The following FBXL17 variants were observed in gnomAD, a reference collection of about 807,000 sequenced individuals.
FBXL17 encodes the protein F-box/LRR-repeat protein 17.
In FBXL17, 22 loss-of-function variants were observed where a neutral mutation model predicts 66.2. That is an observed-to-expected ratio of 0.33 (90% confidence interval 0.24 to 0.47). The LOEUF is 0.47. Among genes scored for constraint, FBXL17 ranks in the 20% least tolerant of loss-of-function variants. FBXL17 has a pLI of 1.00. For synonymous variants in FBXL17, 474 were observed against 400.5 expected (o/e 1.18, Z -2.19); for missense variants, 878 against 948.2 (o/e 0.93, Z 0.97).
At chr5:108,124,844 GAAGTGC>G (rs1424978880) in intron 6 of FBXL17, among the ~76,000 whole-genome samples, 1 of 151,992 alleles carries the variant, frequency 6.6e-6, no homozygotes, top group African/African-American at 2.4e-5. Flanking sequence ...AAAAAGCAAA[GAAGTGC>G]AAACAATATT....
intron 6 of FBXL17, among the ~76,000 whole-genome samples, chr5:108,062,931 AAG>A (rs1211955124): frequency 6.6e-6 from 1 of 152,162 alleles, no homozygotes; most frequent in Non-Finnish European, 1.5e-5. Context: ...GCAAAGTGAA[AAG>A]AGAGAACAAA....
rs547155844 is a variant in FBXL17, at chr5:107,945,233, T to C, written c.1823-64054A>G. Among the ~76,000 whole-genome samples, 35 of 152,286 alleles carry C rather than the reference T, an allele frequency of 2.3e-4. 1 individual carries two copies. In the South Asian group the frequency reaches 7.0e-3, roughly 31 times the overall value. Reference sequence around the variant, plus strand: ...GAGATTCAGTTTCACAGCAATCGGATTGGCAAACATTAAAAAGTCTGGCAA... The same window carrying C: ...GAGATTCAGTTTCACAGCAATCGGACTGGCAAACATTAAAAAGTCTGGCAA... On this transcript the variant is annotated intron_variant, in intron 7 of 8. Transcript: ENST00000542267.
At chr5:108,091,826 G>C (rs1450902630) in intron 6 of FBXL17, among the ~76,000 whole-genome samples, 2 of 152,084 alleles carry the variant, frequency 1.3e-5, no homozygotes. Context: ...CTGAAACTGA[G>C]GTACACGTAA....
intron 7 of FBXL17, among the ~76,000 whole-genome samples, chr5:107,984,529 T>C (rs10793832): frequency 0.23 from 34,383 of 152,108 alleles, 4,300 homozygotes; most frequent in Middle Eastern, 0.29. Context: ...TCCTGGTACC[T>C]ACTTGCTATA....
chr5:108,367,752 A>G (rs1247396121), intron 2 of FBXL17, 79 bp downstream of exon 2: 1 of 1,186,480 alleles, frequency 8.4e-7, no homozygotes, highest in East Asian at 2.8e-5. Flanking sequence ...AAACAAGAAG[A>G]CAGTAAAGAT....
intron 6 of FBXL17, among the ~76,000 whole-genome samples, chr5:108,185,882 T>G (rs183365400): frequency 8.5e-5 from 13 of 152,304 alleles, no homozygotes; most frequent in Admixed American, 6.5e-4. Flanking sequence ...CAGCCTACTA[T>G]TGTTACAATT....
chr5:107,921,257 A>G (rs951387778), intron 7 of FBXL17, among the ~76,000 whole-genome samples: 1 of 152,226 alleles, frequency 6.6e-6, no homozygotes, highest in African/African-American at 2.4e-5. Flanking sequence ...CTCAATGACT[A>G]TAATGTAGTC....
chr5:108,008,991 A>C (rs1754042091), intron 7 of FBXL17, among the ~76,000 whole-genome samples: 1 of 151,592 alleles, frequency 6.6e-6, no homozygotes. Flanking sequence ...AAGAGATAGT[A>C]AGTAGGAAGA....
In FBXL17 at chr5:107,961,964, G is replaced by A. The variant is rs538959146; in HGVS notation, c.1822+58961C>T. On this transcript the variant is annotated intron_variant, in intron 7 of 8. Coordinates refer to ENST00000542267, the MANE Select transcript of FBXL17 (RefSeq NM_001163315.3). ...TTACATTTACAATAAGAAACTAATT[G>A]TAAATGTGACTCATCAGACAGTGAA... 3.2e-4 allele frequency among the ~76,000 whole-genome samples: 48 copies of A among 152,224 alleles called. 1 individual carries two copies. In the South Asian group the frequency reaches 9.5e-3, roughly 30 times the overall value.
At chr5:108,056,613 A>G (rs1474176671) in intron 6 of FBXL17, among the ~76,000 whole-genome samples, 3 of 152,210 alleles carry the variant, frequency 2.0e-5, no homozygotes, top group Non-Finnish European at 4.4e-5. Context: ...AGATGTAGGC[A>G]GCCACAGTGT....
intron 7 of FBXL17, among the ~76,000 whole-genome samples, chr5:107,906,092 T>G (rs1354466236): frequency 6.6e-6 from 1 of 151,864 alleles, no homozygotes; most frequent in East Asian, 1.9e-4. Context: ...TTAGCAAATC[T>G]GGTTAAATTC....
At chr5:108,325,106 T>C (rs549669558) in intron 4 of FBXL17, among the ~76,000 whole-genome samples, 2 of 152,142 alleles carry the variant, frequency 1.3e-5, no homozygotes, top group South Asian at 2.1e-4. Context: ...AACGAGAGTT[T>C]TGGAGACTGG....
intron 6 of FBXL17, among the ~76,000 whole-genome samples, chr5:108,162,413 T>C (rs1337701656): frequency 6.6e-6 from 1 of 152,134 alleles, no homozygotes; most frequent in Admixed American, 6.6e-5. Context: ...GGAGGATTGC[T>C]TGAGCCCACA....
chr5:108,200,423 C>T (rs752198640), intron 5 of FBXL17, among the ~76,000 whole-genome samples: 4 of 152,156 alleles, frequency 2.6e-5, no homozygotes, highest in South Asian at 2.1e-4. Flanking sequence ...GTCACTCTAA[C>T]GGGAGTTCTT....
intron 6 of FBXL17, among the ~76,000 whole-genome samples, chr5:108,053,358 A>T (rs1035996467): frequency 6.6e-6 from 1 of 152,200 alleles, no homozygotes; most frequent in Non-Finnish European, 1.5e-5. Flanking sequence ...AAGAAAAAAA[A>T]CAACCCTATC....
chr5:107,949,082 G>A (rs1028563393), intron 7 of FBXL17, among the ~76,000 whole-genome samples: 1 of 151,806 alleles, frequency 6.6e-6, no homozygotes, highest in African/African-American at 2.4e-5. Context: ...ATGGCTTAGG[G>A]CATTTTCACA....
chr5:108,340,572 T>A (rs1296948472), intron 4 of FBXL17, among the ~76,000 whole-genome samples: 3 of 152,090 alleles, frequency 2.0e-5, no homozygotes, highest in African/African-American at 4.8e-5. Flanking sequence ...AAATACCCCT[T>A]GAGTACATTA....
intron 7 of FBXL17, among the ~76,000 whole-genome samples, chr5:107,972,261 T>C (rs911462369): frequency 2.6e-5 from 4 of 152,220 alleles, no homozygotes; most frequent in African/African-American, 9.6e-5. Context: ...CAAAATTGTA[T>C]GTTGAATTTA....
intron 6 of FBXL17, among the ~76,000 whole-genome samples, chr5:108,049,314 T>A (rs1050640004): frequency 1.4e-4 from 22 of 151,914 alleles, no homozygotes; most frequent in Non-Finnish European, 1.5e-4. Flanking sequence ...AGCTAATTTT[T>A]TTTTTTTTAA....
Sources: allele counts gnomAD v4.1 joint callset (sites outside exome capture counted in the v4.1 genomes callset), GRCh38; gene constraint gnomAD v4.1.1; transcripts MANE v1.5; gene names NCBI Gene and HGNC (gene_info 2026-07-23, HGNC 2026-07-21).